Variants in AIFM1 observed in about 807,000 individuals in gnomAD.
AIFM1 encodes apoptosis inducing factor mitochondria associated 1, also known as apoptosis-inducing factor 1, mitochondrial.
AIFM1 carries 3 observed loss-of-function variants against 51.7 expected under a neutral mutation model. That is an observed-to-expected ratio of 0.06 (90% confidence interval 0.03 to 0.15). The LOEUF (loss-of-function observed/expected upper bound fraction) is 0.15, where lower values mean the gene tolerates loss of function less well. Among genes scored for constraint, AIFM1 ranks in the 10% least tolerant of loss-of-function variants. The probability of loss-of-function intolerance (pLI) is 1.00; values close to 1 mark genes in which losing one functional copy is unlikely to be tolerated. For synonymous variants in AIFM1, 178 were observed against 179.4 expected (o/e 0.99, Z 0.06); for missense variants, 330 against 476.8 (o/e 0.69, Z 2.87).
At chrX:130,161,909 C>T (rs1181235397) in intron 1 of AIFM1, among the ~76,000 whole-genome samples, 1 of 112,137 alleles carries the variant, frequency 8.9e-6, no homozygotes, top group Non-Finnish European at 1.9e-5. Context: ...GCCTAGCTAT[C>T]AGCCTTTTTT....
chrX:130,154,750 C>T (rs777000851), intron 2 of AIFM1, among the ~76,000 whole-genome samples: 4 of 112,478 alleles, frequency 3.6e-5, no homozygotes, highest in Non-Finnish European at 7.5e-5. Context: ...ACAAACATTA[C>T]ATTTTACCTA....
intron 12 of AIFM1, among the ~76,000 whole-genome samples, chrX:130,135,746 G>A (rs989683597): frequency 8.9e-6 from 1 of 111,991 alleles, no homozygotes; most frequent in Non-Finnish European, 1.9e-5. Flanking sequence ...TCCATCTGAA[G>A]GCTTATGTGC....
intron 13 of AIFM1, among the ~76,000 whole-genome samples, chrX:130,132,988 G>A (rs1005422744): frequency 6.3e-5 from 7 of 111,051 alleles, no homozygotes; most frequent in Admixed American, 4.8e-4. Context: ...CTCGTGATCC[G>A]CCCACCTCGG....
chrX:130,135,924 G>T, intron 12 of AIFM1, 121 bp downstream of exon 12: 2 of 954,199 alleles, frequency 2.1e-6, no homozygotes, highest in Non-Finnish European at 3.0e-6. Flanking sequence ...TGTACCCTCA[G>T]CCTCCAAACA....
In AIFM1 at chrX:130,165,779, C is replaced by G. The variant is rs724160014; in HGVS notation, c.-123G>C. The G allele has an allele frequency of 2.0e-5, 12 of 605,162 alleles. No homozygotes were observed. In the East Asian group the frequency reaches 3.6e-4, roughly 18 times the overall value. The allele number at this position is 605,162 out of a possible 1,213,427, so 49.9% of individuals were successfully genotyped here. A position where few individuals can be genotyped will look rare whatever the true frequency, so the allele number is the denominator to read the frequency against. The stretch of plus-strand genomic sequence containing the variant: ...TCACACGCACATTACGCAGACTCCT[C>G]CTCCCAGCTCCGGGTGGGCATTGGA... On this transcript the variant is annotated 5_prime_UTR_variant, in exon 1 of 16. Coordinates refer to ENST00000287295, the MANE Select transcript of AIFM1 (RefSeq NM_004208.4).
intron 13 of AIFM1, 27 bp from the exon 14 acceptor site, chrX:130,131,826 T>C: frequency 1.7e-6 from 2 of 1,208,525 alleles, no homozygotes; most frequent in East Asian, 3.0e-5. Context: ...GGGTGTTCTG[T>C]CAAGGGACTG....
intron 6 of AIFM1, among the ~76,000 whole-genome samples, chrX:130,144,081 G>A (rs2030672389): frequency 8.9e-6 from 1 of 111,826 alleles, no homozygotes; most frequent in Non-Finnish European, 1.9e-5. Context: ...ATTATTGGGA[G>A]GATAAAATGA....
chrX:130,136,440 C>T (rs1569417257), intron 11 of AIFM1, among the ~76,000 whole-genome samples: 2 of 112,272 alleles, frequency 1.8e-5, no homozygotes, highest in Non-Finnish European at 3.8e-5. Context: ...TAGAATGGGG[C>T]TAAGGGAAAG....
At chrX:130,139,989 G>A (rs1024766491) in intron 7 of AIFM1, 118 bp from the exon 8 acceptor site, 2 of 628,256 alleles carry the variant, frequency 3.2e-6, no homozygotes, top group Admixed American at 2.3e-5. Flanking sequence ...GGCAACAACA[G>A]GATAGGATAC....
chrX:130,138,244 T>A (rs1005712988), intron 9 of AIFM1, among the ~76,000 whole-genome samples: 1 of 110,925 alleles, frequency 9.0e-6, no homozygotes, highest in Admixed American at 9.6e-5. Context: ...GGTGGGCGGA[T>A]CACCAGGTCA....
At chrX:130,144,977 C>T (rs1391294580) in intron 6 of AIFM1, among the ~76,000 whole-genome samples, 1 of 111,613 alleles carries the variant, frequency 9.0e-6, no homozygotes, top group African/African-American at 3.3e-5. Flanking sequence ...GGAACACTGC[C>T]ATTAGTTTAC....
chrX:130,135,134 G>A (rs2030273241), intron 12 of AIFM1, among the ~76,000 whole-genome samples: 1 of 107,021 alleles, frequency 9.3e-6, no homozygotes, highest in African/African-American at 3.4e-5. Flanking sequence ...CCAGGCTGGA[G>A]GGCAGTGGCA....
rs777563453 is a variant in AIFM1, at chrX:130,130,027, T to C, written c.1713A>G (p.Lys571=). The stretch of plus-strand genomic sequence containing the variant: ...TCCATAGCACAATCCCCACGACCAC[T>C]TTGTCCCTGAGGTAGAAGATGACAC... ...GKGVIFYLRD[K]VVVGIVLWNI... The change falls in exon 15 of 16, where the codon AAA becomes AAG. Residue 571 remains lysine (K), a synonymous_variant. Transcript: ENST00000287295. 14 of 1,209,686 alleles carry C rather than the reference T, an allele frequency of 1.2e-5. No individual in the cohort carries two copies. The highest frequency in any genetic ancestry group is 1.6e-5 in the Non-Finnish European group (14 of 895,187).
chrX:130,153,597 T>C (rs984959261), intron 2 of AIFM1, among the ~76,000 whole-genome samples: 1 of 110,982 alleles, frequency 9.0e-6, no homozygotes, highest in African/African-American at 3.3e-5. Flanking sequence ...CAATGGGGCA[T>C]TGGGGAGGTG....
At position 130,165,660 on chromosome X, in the gene AIFM1, G is replaced by A. The variant is rs775257076; in HGVS notation, c.-4C>T. Reference sequence around the variant, plus strand: ...CCAGGCCTCCACACCGGAACATTTCGGCGACCGCTATTCGGGACCTCCTCC... The same window carrying A: ...CCAGGCCTCCACACCGGAACATTTCAGCGACCGCTATTCGGGACCTCCTCC... On this transcript the variant is annotated 5_prime_UTR_variant, in exon 1 of 16. Coordinates refer to ENST00000287295, the MANE Select transcript of AIFM1 (RefSeq NM_004208.4). The A allele has an allele frequency of 6.7e-6, 8 of 1,186,660 alleles. No homozygotes were observed. The South Asian group carries it at 1.1e-4, about 16-fold the overall frequency.
chrX:130,143,887 A>T (rs1188951621), intron 6 of AIFM1, among the ~76,000 whole-genome samples: 1 of 111,206 alleles, frequency 9.0e-6, no homozygotes, highest in African/African-American at 3.3e-5. Flanking sequence ...GATGTTATTA[A>T]TAGCTTAGGC....
intron 6 of AIFM1, among the ~76,000 whole-genome samples, chrX:130,145,117 C>T (rs373832176): frequency 1.8e-5 from 2 of 112,323 alleles, no homozygotes; most frequent in African/African-American, 3.2e-5. Flanking sequence ...CAATATATTC[C>T]GTGCTGAGTT....
chrX:130,146,342 G>A (rs2030748493), intron 5 of AIFM1, among the ~76,000 whole-genome samples: 1 of 109,305 alleles, frequency 9.1e-6, no homozygotes, highest in Admixed American at 9.9e-5. Flanking sequence ...TACTCGGGAG[G>A]CTGAGGTGGG....
At chrX:130,137,613 C>A (rs2030400664) in intron 9 of AIFM1, 1 of 1,130,063 alleles carries the variant, frequency 8.8e-7, no homozygotes, top group Admixed American at 3.1e-5. Context: ...ATCATGTGCC[C>A]AAAGAAGTTT....
Sources: gnomAD v4.1 joint callset for allele counts (sites outside exome capture counted in the v4.1 genomes callset) on GRCh38, gnomAD v4.1.1 for gene constraint, MANE v1.5 for transcripts, NCBI Gene and HGNC (gene_info 2026-07-23, HGNC 2026-07-21) for gene names.